ACOXL: variants seen among roughly 807,000 people sequenced by gnomAD.
ACOXL encodes acyl-coenzyme A oxidase-like protein.
Under a neutral mutation model 71.9 loss-of-function variants are expected in ACOXL, and 70 were observed. The ratio of observed to expected loss-of-function variants is 0.97; its 90% CI spans 0.80 to 1.19. The LOEUF (loss-of-function observed/expected upper bound fraction) is 1.19. Among genes scored for constraint, ACOXL ranks in the 50% most tolerant of loss-of-function variants. The probability of loss-of-function intolerance (pLI) is 0.00; values close to 1 mark genes in which losing one functional copy is unlikely to be tolerated. For synonymous variants in ACOXL, 253 were observed against 281.6 expected (o/e 0.90, Z 1.02); for missense variants, 703 against 736.3 (o/e 0.95, Z 0.52).
At chr2:110,782,047 A>G (rs1683403213) in intron 2 of ACOXL, among the ~76,000 whole-genome samples, 1 of 152,226 alleles carries the variant, frequency 6.6e-6, no homozygotes, top group African/African-American at 2.4e-5. Context: ...ACTGTAATTT[A>G]GGATAAACTA....
intron 1 of ACOXL, among the ~76,000 whole-genome samples, chr2:110,747,322 C>G (rs1035379081): frequency 6.6e-6 from 1 of 152,128 alleles, no homozygotes; most frequent in African/African-American, 2.4e-5. Flanking sequence ...CATATTTAAA[C>G]GACAGCCAGA....
chr2:111,026,765 A>G (rs942045633), intron 14 of ACOXL, among the ~76,000 whole-genome samples: 11 of 152,214 alleles, frequency 7.2e-5, no homozygotes, highest in Non-Finnish European at 1.6e-4. Flanking sequence ...ATGTGCAGGA[A>G]GGAATTCAAG....
At chr2:111,015,473 C>G (rs959608567) in intron 14 of ACOXL, among the ~76,000 whole-genome samples, 1 of 152,150 alleles carries the variant, frequency 6.6e-6, no homozygotes, top group Non-Finnish European at 1.5e-5. Flanking sequence ...ACACTCCATC[C>G]TGGCAATGCT....
intron 14 of ACOXL, among the ~76,000 whole-genome samples, chr2:111,023,914 C>T (rs1194652027): frequency 3.3e-5 from 5 of 152,150 alleles, no homozygotes; most frequent in Non-Finnish European, 1.5e-5. Flanking sequence ...CATGCAAGGA[C>T]AATCTGAGCA....
chr2:111,021,853 G>A (rs1052889809), intron 14 of ACOXL, among the ~76,000 whole-genome samples: 1 of 151,902 alleles, frequency 6.6e-6, no homozygotes, highest in African/African-American at 2.4e-5. Flanking sequence ...ATCTGTTTCT[G>A]GGGAATGTAA....
At chr2:110,817,594 C>T (rs1176120486) in intron 9 of ACOXL, among the ~76,000 whole-genome samples, 1 of 152,104 alleles carries the variant, frequency 6.6e-6, no homozygotes, top group African/African-American at 2.4e-5. Flanking sequence ...ATGAGAGATT[C>T]CAAGGATTTG....
At chr2:111,030,065 A>T (rs1184305655) in intron 14 of ACOXL, among the ~76,000 whole-genome samples, 1 of 152,166 alleles carries the variant, frequency 6.6e-6, no homozygotes, top group East Asian at 1.9e-4. Flanking sequence ...AAAGCAATTA[A>T]AAAGTGCCCT....
chr2:111,002,905 C>A (rs553880162), intron 14 of ACOXL, among the ~76,000 whole-genome samples: 1 of 152,234 alleles, frequency 6.6e-6, no homozygotes, highest in East Asian at 1.9e-4. Context: ...TGAACATTTT[C>A]TTTCAGCATC....
chr2:111,054,689 G>A (rs1317575596), intron 16 of ACOXL, among the ~76,000 whole-genome samples: 4 of 152,222 alleles, frequency 2.6e-5, no homozygotes, highest in African/African-American at 9.6e-5. Flanking sequence ...GGTCTGGCCA[G>A]ATGCAACCCT....
At chr2:110,908,246 G>A (rs568482424) in intron 10 of ACOXL, among the ~76,000 whole-genome samples, 1 of 152,348 alleles carries the variant, frequency 6.6e-6, no homozygotes, top group Non-Finnish European at 1.5e-5. Context: ...CGCAGATGCT[G>A]TCTGCAGGGC....
rs188143166 is a variant in ACOXL, at chr2:110,927,782, G to A, written c.906-5707G>A. Among the ~76,000 whole-genome samples, 3 of 152,316 alleles carry A rather than the reference G, an allele frequency of 2.0e-5. No homozygotes were observed. The East Asian group carries it at 5.8e-4, about 29-fold the overall frequency. ...ATTAATTCACCTACAAAATGAAATT[G>A]CCTTGTGTAACTACATCACACCTGG... is the stretch of plus-strand genomic sequence containing the variant. On this transcript the variant is annotated intron_variant, in intron 11 of 17. Transcript: ENST00000439055.
intron 16 of ACOXL, among the ~76,000 whole-genome samples, chr2:111,088,167 A>G (rs949175603): frequency 2.6e-5 from 4 of 152,262 alleles, no homozygotes; most frequent in Non-Finnish European, 5.9e-5. Flanking sequence ...GTTGCAGAGA[A>G]AAAGGGAACG....
chr2:110,823,309 TG>T (rs2105539765), intron 9 of ACOXL, among the ~76,000 whole-genome samples: 1 of 152,304 alleles, frequency 6.6e-6, no homozygotes. Flanking sequence ...TCGTTCTTTT[TG>T]TTGCTGAATA....
intron 15 of ACOXL, among the ~76,000 whole-genome samples, chr2:111,043,979 T>G (rs1371218): frequency 0.17 from 26,507 of 152,160 alleles, 2,643 homozygotes; most frequent in African/African-American, 0.26. Context: ...GGAAGGAGCC[T>G]GCCCCTCCTA....
chr2:110,774,214 T>G (rs1221410124), intron 2 of ACOXL, among the ~76,000 whole-genome samples: 1 of 152,168 alleles, frequency 6.6e-6, no homozygotes, highest in Non-Finnish European at 1.5e-5. Flanking sequence ...CAGGCATTGC[T>G]CAAGGGGCAG....
chr2:110,915,734 T>A (rs2059836159), intron 11 of ACOXL, among the ~76,000 whole-genome samples: 1 of 152,028 alleles, frequency 6.6e-6, no homozygotes. Context: ...GGCCATATTA[T>A]ATATTTTTTA....
intron 13 of ACOXL, 52 bp downstream of exon 13, chr2:110,987,269 C>T: frequency 1.3e-6 from 2 of 1,485,714 alleles, no homozygotes; most frequent in African/African-American, 1.4e-5. Context: ...TATCATGAAG[C>T]CTGAGTTCAT....
intron 10 of ACOXL, among the ~76,000 whole-genome samples, chr2:110,905,756 A>G (rs1298629951): frequency 6.6e-6 from 1 of 152,150 alleles, no homozygotes; most frequent in Non-Finnish European, 1.5e-5. Flanking sequence ...GCATTATGGG[A>G]ATAGAGTCCG....
At chr2:110,763,366 C>G (rs1680648253) in intron 1 of ACOXL, among the ~76,000 whole-genome samples, 1 of 152,104 alleles carries the variant, frequency 6.6e-6, no homozygotes, top group Admixed American at 6.5e-5. Flanking sequence ...AATAGAAAGT[C>G]CAGAAATGGA....
Sources: allele counts gnomAD v4.1 joint callset (sites outside exome capture counted in the v4.1 genomes callset), GRCh38; gene constraint gnomAD v4.1.1; transcripts MANE v1.5; gene names NCBI Gene and HGNC (gene_info 2026-07-23, HGNC 2026-07-21).